The following TNIK variants were observed in gnomAD, a reference collection of about 807,000 sequenced individuals.
The protein encoded by TNIK is TRAF2 and NCK interacting kinase, also known as TRAF2 and NCK-interacting protein kinase.
TNIK carries 49 observed loss-of-function variants against 191.3 expected under a neutral mutation model. That is an observed-to-expected ratio of 0.26 (90% confidence interval 0.20 to 0.32). TNIK has a LOEUF of 0.32. Ranked by LOEUF, TNIK falls within the 10% of genes least tolerant of loss-of-function variation. The pLI, the probability that TNIK is intolerant of heterozygous loss-of-function variation, is 1.00. For synonymous variants in TNIK, 594 were observed against 600.9 expected (o/e 0.99, Z 0.17); for missense variants, 1,155 against 1,702.3 (o/e 0.68, Z 5.66).
intron 3 of TNIK, among the ~76,000 whole-genome samples, chr3:171,216,815 A>C (rs2108935974): frequency 6.6e-6 from 1 of 152,208 alleles, no homozygotes; most frequent in Non-Finnish European, 1.5e-5. Context: ...AATAATTACA[A>C]TAGATTGTAA....
intron 19 of TNIK, among the ~76,000 whole-genome samples, chr3:171,108,986 T>C (rs1159072967): frequency 3.9e-5 from 6 of 152,086 alleles, no homozygotes; most frequent in Admixed American, 3.9e-4. Flanking sequence ...GACAGGGACA[T>C]ACCAGGGATA....
intron 18 of TNIK, among the ~76,000 whole-genome samples, chr3:171,118,153 CAGAG>C (rs575953120): frequency 0.023 from 3,572 of 152,176 alleles, 149 homozygotes; most frequent in African/African-American, 0.082. Context: ...CAATAACAGA[CAGAG>C]AGACAAATCA....
intron 15 of TNIK, among the ~76,000 whole-genome samples, chr3:171,133,369 G>A (rs1729576556): frequency 6.6e-6 from 1 of 152,228 alleles, no homozygotes; most frequent in Non-Finnish European, 1.5e-5. Flanking sequence ...TTGGTCATAT[G>A]AAATCCAGAC....
Position 171,059,626 on chromosome 3 carries a change from T to C in TNIK, c.*4255A>G, listed in dbSNP as rs561139473. Among the ~76,000 whole-genome samples the C allele has an allele frequency of 6.6e-6, 1 of 152,182 alleles. No homozygotes were observed. Among genetic ancestry groups the C allele is most frequent in the Non-Finnish European group, 1.5e-5 (1 of 68,028 alleles). ...AGTGATCAATTTTACACCCAATTTATTTAAGATCCATGAAAGGACAGCTTA... is the reference window on the plus strand; with the variant it reads ...AGTGATCAATTTTACACCCAATTTACTTAAGATCCATGAAAGGACAGCTTA... On this transcript the variant is annotated 3_prime_UTR_variant, in exon 33 of 33. Coordinates refer to ENST00000436636, the MANE Select transcript of TNIK (RefSeq NM_015028.4).
chr3:171,126,789 G>A (rs986951777), intron 16 of TNIK, among the ~76,000 whole-genome samples: 2 of 152,180 alleles, frequency 1.3e-5, no homozygotes, highest in Admixed American at 6.5e-5. Flanking sequence ...CTATGCTGTC[G>A]TATTATCTCT....
At chr3:171,196,612 CTT>C (rs1338660040) in intron 4 of TNIK, among the ~76,000 whole-genome samples, 1 of 152,076 alleles carries the variant, frequency 6.6e-6, no homozygotes, top group Non-Finnish European at 1.5e-5. Context: ...GCAAAGAAAA[CTT>C]ATAGATTTAA....
chr3:171,232,372 C>A, intron 2 of TNIK, among the ~76,000 whole-genome samples: 1 of 149,880 alleles, frequency 6.7e-6, no homozygotes, highest in African/African-American at 2.4e-5. Flanking sequence ...CAACCAAGAA[C>A]TAAAAATTAA....
chr3:171,240,569 G>C (rs9844004), intron 2 of TNIK, among the ~76,000 whole-genome samples: 47,136 of 151,780 alleles, frequency 0.31, 7,805 homozygotes, highest in African/African-American at 0.42. Context: ...CCCAGTCCCC[G>C]ACTCGCCCAC....
chr3:171,211,254 A>G lies in TNIK; in HGVS notation c.181-13T>C, dbSNP rs769142290. 6.4e-5 allele frequency: 101 copies of G among 1,579,062 alleles called. 1 individual carries two copies. In the Middle Eastern group the frequency reaches 8.7e-4, roughly 14 times the overall value. Reference sequence around the variant, plus strand: ...CTTCCTCTTCATCCTGTATGAGAACAATATAAAAATTCTGTCATGAAAATC... The same window carrying G: ...CTTCCTCTTCATCCTGTATGAGAACGATATAAAAATTCTGTCATGAAAATC... On this transcript the variant is annotated splice_polypyrimidine_tract_variant and intron_variant, in intron 3 of 32. Transcript: ENST00000436636.
At chr3:171,225,185 A>G (rs1331075756) in intron 3 of TNIK, among the ~76,000 whole-genome samples, 1 of 152,214 alleles carries the variant, frequency 6.6e-6, no homozygotes, top group Non-Finnish European at 1.5e-5. Context: ...AGCATTCTGT[A>G]ATACACAATA....
intron 2 of TNIK, among the ~76,000 whole-genome samples, chr3:171,332,000 TATTTA>T (rs1245914420): frequency 7.6e-5 from 8 of 105,958 alleles, no homozygotes; most frequent in South Asian, 6.1e-4. Context: ...GCAACTTTTG[TATTTA>T]ATTTAATGTA....
intron 12 of TNIK, among the ~76,000 whole-genome samples, chr3:171,146,593 C>T (rs996020170): frequency 4.6e-5 from 7 of 152,104 alleles, no homozygotes; most frequent in East Asian, 3.9e-4. Flanking sequence ...CACGTAGCAG[C>T]GCTCTGTAAA....
chr3:171,217,097 T>C (rs1485453560), intron 3 of TNIK, among the ~76,000 whole-genome samples: 1 of 152,048 alleles, frequency 6.6e-6, no homozygotes, highest in Non-Finnish European at 1.5e-5. Context: ...ATACTTGCAC[T>C]CACATGTTCA....
chr3:171,157,645 C>T lies in TNIK; in HGVS notation c.1036G>A (p.Gly346Arg), dbSNP rs1439893675. The T allele has an allele frequency of 6.4e-7, 1 of 1,554,948 alleles. No individual in the cohort carries two copies. Among genetic ancestry groups the T allele is most frequent in the African/African-American group, 1.4e-5 (1 of 73,264 alleles). The change falls in exon 12 of 33, where the codon GGG becomes AGG. Residue 346 changes from glycine to arginine, a missense_variant. This residue lies in a region of TNIK where 225 missense variants were observed against 438.9 expected (regional missense o/e 0.51). Coordinates refer to ENST00000436636, the MANE Select transcript of TNIK (RefSeq NM_015028.4). ...GEPSSILNLP[G>R]ESTLRRDFLR... The stretch of plus-strand genomic sequence containing the variant: ...AAGTCCCTCCGCAGCGTCGACTCCC[C>T]TGGCAGATTCAGGATGGAGCTGTGG...
chr3:171,083,481 G>A (rs964257588), intron 26 of TNIK, among the ~76,000 whole-genome samples: 17 of 152,174 alleles, frequency 1.1e-4, no homozygotes, highest in African/African-American at 4.1e-4. Context: ...ATCTGTATGA[G>A]ATGTTTATAG....
chr3:171,189,363 G>A (rs772581102), intron 6 of TNIK, among the ~76,000 whole-genome samples: 12 of 152,074 alleles, frequency 7.9e-5, no homozygotes, highest in Non-Finnish European at 1.8e-4. Flanking sequence ...TTTCTATATT[G>A]TGAATATGTT....
At chr3:171,319,360 T>A (rs1375704961) in intron 2 of TNIK, among the ~76,000 whole-genome samples, 1 of 152,152 alleles carries the variant, frequency 6.6e-6, no homozygotes, top group Non-Finnish European at 1.5e-5. Flanking sequence ...CTAACCACAG[T>A]CTGGAAGGAA....
At chr3:171,339,750 AG>A (rs1465903516) in intron 2 of TNIK, among the ~76,000 whole-genome samples, 1 of 152,204 alleles carries the variant, frequency 6.6e-6, no homozygotes, top group Non-Finnish European at 1.5e-5. Context: ...CCTGATGCCA[AG>A]TGCTACCAGA....
At chr3:171,418,651 T>A (rs13090825) in intron 1 of TNIK, among the ~76,000 whole-genome samples, 78,294 of 151,972 alleles carry the variant, frequency 0.52, 21,454 homozygotes, top group Middle Eastern at 0.64. Flanking sequence ...GGACAGAAAG[T>A]AGATTAGTGG....
Sources: gnomAD v4.1 joint callset for allele counts (sites outside exome capture counted in the v4.1 genomes callset) on GRCh38, gnomAD v4.1.1 for gene constraint, gnomAD v4.1.1 regional missense constraint, MANE v1.5 for transcripts, NCBI Gene and HGNC (gene_info 2026-07-23, HGNC 2026-07-21) for gene names.